The following PCGF3 variants were observed in gnomAD, a reference collection of about 807,000 sequenced individuals.
The protein encoded by PCGF3 is polycomb group ring finger 3, also known as polycomb group RING finger protein 3.
Under a neutral mutation model 33.1 loss-of-function variants are expected in PCGF3, and 7 were observed. The ratio of observed to expected loss-of-function variants is 0.21; its 90% CI spans 0.12 to 0.40. PCGF3 has a LOEUF of 0.40. Ranked by LOEUF, PCGF3 falls within the 10% of genes least tolerant of loss-of-function variation. PCGF3 has a pLI of 1.00. For synonymous variants in PCGF3, 153 were observed against 121.3 expected, an observed-to-expected ratio of 1.26 and a Z score of -1.72; for missense variants, 211 against 313.3, an observed-to-expected ratio of 0.67 and a Z score of 2.46.
chr4:733,596 C>T lies in PCGF3; in HGVS notation c.-9-76C>T, dbSNP rs546543429. 8.2e-5 allele frequency: 117 copies of T among 1,429,386 alleles called. 1 individual carries two copies. Among genetic ancestry groups the T allele is most frequent in the African/African-American group, 3.4e-4 (24 of 70,776 alleles). The allele number at this position is 1,429,386 out of a possible 1,614,324, so 88.5% of individuals were successfully genotyped here. A position where few individuals can be genotyped will look rare whatever the true frequency, so the allele number is the denominator to read the frequency against. On this transcript the variant is annotated intron_variant, in intron 3 of 10. Coordinates refer to ENST00000362003, the Ensembl canonical transcript of PCGF3. ...GGGCCTGCACTGTCCTCCCTGGGGG[C>T]GGCTGTCAGAGCTCAGCCAAGGATG...
At chr4:718,945 T>C (rs1240927328) in intron 1 of PCGF3, among the ~76,000 whole-genome samples, 3 of 152,172 alleles carry the variant, frequency 2.0e-5, no homozygotes, top group Non-Finnish European at 4.4e-5. Flanking sequence ...CATTTTCTTT[T>C]TTTTCTTTTT....
chr4:766,740 T>C (rs1260600219), exon 11 of PCGF3: 1 of 152,170 alleles, frequency 6.6e-6, no homozygotes, highest in Non-Finnish European at 1.5e-5. Context: ...GAACTGTCGC[T>C]CACCTGTGGC....
intron 1 of PCGF3, among the ~76,000 whole-genome samples, chr4:711,160 C>A (rs1414356327): frequency 6.6e-6 from 1 of 152,190 alleles, no homozygotes; most frequent in African/African-American, 2.4e-5. Context: ...GAGCTAGGGC[C>A]GGGAAGGGGG....
At chr4:748,892 C>G (rs1233426618) in intron 8 of PCGF3, among the ~76,000 whole-genome samples, 3 of 152,044 alleles carry the variant, frequency 2.0e-5, no homozygotes, top group Non-Finnish European at 2.9e-5. Context: ...CCTGGGATCT[C>G]GTGGAAATTC....
In PCGF3 at chr4:733,557, C is replaced by T. The variant is rs2109611383; in HGVS notation, c.-9-115C>T. On this transcript the variant is annotated intron_variant, in intron 3 of 10. Transcript: ENST00000362003. ...ACCCCGTGAGCCCAAGAGGCTCCTG[C>T]CACCCAGGCCTCAGGGCCTGCACTG... is the stretch of plus-strand genomic sequence containing the variant. 17 of 1,063,616 alleles carry T rather than the reference C, an allele frequency of 1.6e-5. No individual in the cohort carries two copies. In the South Asian group the frequency reaches 2.7e-4, roughly 17 times the overall value. The allele number at this position is 1,063,616 out of a possible 1,614,324, so 65.9% of individuals were successfully genotyped here.
chr4:743,419 G>A, intron 6 of PCGF3, 55 bp from the exon 7 acceptor site: 1 of 1,042,934 alleles, frequency 9.6e-7, no homozygotes, highest in South Asian at 1.3e-5. Flanking sequence ...ATGAACAGAA[G>A]TTTAATAGAA....
At chr4:748,654 C>T (rs921740813) in intron 8 of PCGF3, among the ~76,000 whole-genome samples, 3 of 152,146 alleles carry the variant, frequency 2.0e-5, no homozygotes, top group South Asian at 2.1e-4. Flanking sequence ...GGGCAGGAAG[C>T]GAGGAAATCA....
chr4:758,601 C>T (rs1447466283), intron 8 of PCGF3, among the ~76,000 whole-genome samples: 1 of 132,556 alleles, frequency 7.5e-6, no homozygotes, highest in Admixed American at 7.7e-5. Flanking sequence ...AGTTCTTCTC[C>T]ATCCCGACTC....
In PCGF3 at chr4:738,878, T is replaced by TA. The variant is rs541956499; in HGVS notation, c.262+1360dup. ...CGTCTCAAAAAAATAAATAAATAAATAAAGTGTGCACTGGAGCGTTTCAAA... is the reference window on the plus strand; with the variant it reads ...CGTCTCAAAAAAATAAATAAATAAATAAAAGTGTGCACTGGAGCGTTTCAAA... On this transcript the variant is annotated intron_variant, in intron 6 of 10. Transcript: ENST00000362003. Among the ~76,000 whole-genome samples the TA allele has an allele frequency of 5.3e-4, 75 of 142,118 alleles. No individual in the cohort carries two copies. The South Asian group carries it at 0.011, about 22-fold the overall frequency. 93.2% of individuals were successfully genotyped at this position (142,118 alleles called of 152,430 possible). A position where few individuals can be genotyped will look rare whatever the true frequency, so the allele number is the denominator to read the frequency against.
At chr4:752,014 T>C (rs1345380772) in intron 8 of PCGF3, among the ~76,000 whole-genome samples, 3 of 152,392 alleles carry the variant, frequency 2.0e-5, no homozygotes, top group Non-Finnish European at 2.9e-5. Flanking sequence ...CAAAAGCGTG[T>C]CGGGTTTATT....
At chr4:711,885 C>A (rs1033449982) in intron 1 of PCGF3, among the ~76,000 whole-genome samples, 1 of 150,620 alleles carries the variant, frequency 6.6e-6, no homozygotes, top group Non-Finnish European at 1.5e-5. Context: ...TGCTTGAACC[C>A]GGGAAGCGGA....
At chr4:707,514 C>CG (rs1181422651) in intron 1 of PCGF3, among the ~76,000 whole-genome samples, 7 of 105,016 alleles carry the variant, frequency 6.7e-5, no homozygotes, top group African/African-American at 2.4e-4. Context: ...TGTTTTCACC[C>CG]GGGGGCCGGG....
chr4:754,460 G>C (rs1744678327), intron 8 of PCGF3, among the ~76,000 whole-genome samples: 1 of 152,206 alleles, frequency 6.6e-6, no homozygotes, highest in Admixed American at 6.5e-5. Context: ...GTGGGGAGCG[G>C]AGAGCCCACC....
chr4:728,950 G>A (rs1032201332), intron 1 of PCGF3, among the ~76,000 whole-genome samples: 84 of 151,770 alleles, frequency 5.5e-4, no homozygotes, highest in African/African-American at 1.8e-3. Context: ...AAATATAAAA[G>A]TTAACTGGGC....
intron 8 of PCGF3, among the ~76,000 whole-genome samples, chr4:753,891 G>T (rs1428465584): frequency 2.0e-5 from 3 of 150,806 alleles, no homozygotes; most frequent in African/African-American, 7.3e-5. Flanking sequence ...TGAGATCGAG[G>T]CACTGCACTC....
chr4:748,738 TTGG>T (rs1744381591), intron 8 of PCGF3, among the ~76,000 whole-genome samples: 1 of 152,210 alleles, frequency 6.6e-6, no homozygotes, highest in South Asian at 2.1e-4. Context: ...GCTTCCTCTG[TTGG>T]TGGCTTGGCG....
At chr4:764,519 T>C (rs1207756873) in intron 9 of PCGF3, 1 of 153,932 alleles carries the variant, frequency 6.5e-6, no homozygotes, top group East Asian at 1.9e-4. Flanking sequence ...GGGTGCCCGA[T>C]TCCGGAGCTG....
chr4:713,870 C>T (rs1742690138), intron 1 of PCGF3, among the ~76,000 whole-genome samples: 2 of 152,064 alleles, frequency 1.3e-5, no homozygotes, highest in Admixed American at 6.5e-5. Flanking sequence ...GTGGGGGCCA[C>T]GAGGGCTCAC....
intron 8 of PCGF3, among the ~76,000 whole-genome samples, chr4:753,672 G>T (rs550167085): frequency 4.0e-5 from 6 of 151,806 alleles, no homozygotes; most frequent in African/African-American, 1.4e-4. Flanking sequence ...ACTGGACCAG[G>T]CACGGTGGCT....
Sources: allele counts gnomAD v4.1 joint callset (sites outside exome capture counted in the v4.1 genomes callset), GRCh38; gene constraint gnomAD v4.1.1; transcripts MANE v1.5; gene names NCBI Gene and HGNC (gene_info 2026-07-23, HGNC 2026-07-21).